PPARGC1A: variants seen among roughly 807,000 people sequenced by gnomAD.
The protein encoded by PPARGC1A is peroxisome proliferator-activated receptor gamma coactivator 1-alpha.
Under a neutral mutation model 88.7 loss-of-function variants are expected in PPARGC1A, and 25 were observed. The observed-to-expected ratio is 0.28, with a 90% confidence interval of 0.21 to 0.39. PPARGC1A has a LOEUF of 0.39. Among genes scored for constraint, PPARGC1A ranks in the 10% least tolerant of loss-of-function variants. The pLI is 1.00. For missense variants in PPARGC1A, 880 were observed against 968.7 expected (o/e 0.91, Z 1.22); for synonymous variants, 363 against 355.6 (o/e 1.02, Z -0.24).
the PPARGC1A span, among the ~76,000 whole-genome samples, chr4:24,200,991 T>TA: frequency 9.2e-5 from 14 of 152,050 alleles, 1 homozygote; most frequent in South Asian, 6.2e-4. Flanking sequence ...GTGTCCATTA[T>TA]AAAAAAAGGT....
chr4:23,842,028 C>T (rs998388968), intron 2 of PPARGC1A, among the ~76,000 whole-genome samples: 1 of 152,096 alleles, frequency 6.6e-6, no homozygotes, highest in African/African-American at 2.4e-5. Flanking sequence ...TTCTCACTCC[C>T]TTTCTTTATA....
intron 2 of PPARGC1A, among the ~76,000 whole-genome samples, chr4:23,854,351 A>C (rs7437482): frequency 0.36 from 55,040 of 152,058 alleles, 10,275 homozygotes; most frequent in African/African-American, 0.39. Flanking sequence ...CAATTTCAGA[A>C]AAGGCCTCTC....
chr4:23,929,711 G>A, the PPARGC1A span, among the ~76,000 whole-genome samples: 143 of 152,322 alleles, frequency 9.4e-4, 2 homozygotes, highest in Middle Eastern at 3.4e-3. Context: ...CCCCAAGATT[G>A]AAATCATCCT....
the PPARGC1A span, chr4:24,091,760 C>T: frequency 2.4e-6 from 1 of 422,038 alleles, no homozygotes; most frequent in Non-Finnish European, 3.2e-6. Flanking sequence ...AAGGCCAGCT[C>T]AGCCATCAAG....
At chr4:23,868,617 C>T (rs1451025175) in intron 2 of PPARGC1A, among the ~76,000 whole-genome samples, 1 of 152,196 alleles carries the variant, frequency 6.6e-6, no homozygotes, top group African/African-American at 2.4e-5. Context: ...ACTTAGAAAG[C>T]TGAACCACAA....
chr4:24,468,234 T>C, the PPARGC1A span, among the ~76,000 whole-genome samples: 1 of 152,118 alleles, frequency 6.6e-6, no homozygotes, highest in African/African-American at 2.4e-5. Flanking sequence ...GAATCACAGG[T>C]TGAAAAGCAC....
chr4:24,121,042 A>G, the PPARGC1A span, among the ~76,000 whole-genome samples: 1 of 152,198 alleles, frequency 6.6e-6, no homozygotes, highest in African/African-American at 2.4e-5. Context: ...CATTCCTGTA[A>G]GCTACTTAAC....
the PPARGC1A span, among the ~76,000 whole-genome samples, chr4:24,122,229 C>T: frequency 6.6e-6 from 1 of 151,952 alleles, no homozygotes; most frequent in Non-Finnish European, 1.5e-5. Context: ...CAGGAAGCAG[C>T]AAGAAAGAAC....
chr4:24,458,538 A>G, the PPARGC1A span, among the ~76,000 whole-genome samples: 2 of 152,166 alleles, frequency 1.3e-5, no homozygotes, highest in Non-Finnish European at 1.5e-5. Context: ...CTGTAATATG[A>G]GGATTTATTT....
At chr4:23,812,635 C>T in intron 10 of PPARGC1A, 112 bp downstream of exon 10, 1 of 1,512,208 alleles carries the variant, frequency 6.6e-7, no homozygotes, top group Non-Finnish European at 8.9e-7. Flanking sequence ...TGAAAATGGC[C>T]TGTTCTAACA....
chr4:23,947,400 A>ACGGTGATGGAG, the PPARGC1A span, among the ~76,000 whole-genome samples: 1 of 22,058 alleles, frequency 4.5e-5, no homozygotes, highest in African/African-American at 1.7e-4. Flanking sequence ...TATATATAAA[A>ACGGTGATGGAG]AAAACGGTGA....
chr4:24,206,550 CA>C, the PPARGC1A span, among the ~76,000 whole-genome samples: 3 of 152,022 alleles, frequency 2.0e-5, no homozygotes, highest in Admixed American at 1.3e-4. Context: ...CATTGGAGGC[CA>C]GGGGGCATGG....
chr4:24,103,606 A>AT, the PPARGC1A span, among the ~76,000 whole-genome samples: 1 of 151,740 alleles, frequency 6.6e-6, no homozygotes, highest in Admixed American at 6.6e-5. Flanking sequence ...AAAAAAAAAA[A>AT]AAAAAGCCTC....
chr4:23,989,173 T>A, the PPARGC1A span, among the ~76,000 whole-genome samples: 2 of 151,848 alleles, frequency 1.3e-5, no homozygotes, highest in Non-Finnish European at 2.9e-5. Context: ...ATCTAATACC[T>A]TCTAAACTTT....
At chr4:24,313,242 G>C in the PPARGC1A span, among the ~76,000 whole-genome samples, 1 of 152,170 alleles carries the variant, frequency 6.6e-6, no homozygotes, top group Non-Finnish European at 1.5e-5. Context: ...TAATGTATTT[G>C]CATCAGTTTT....
At chr4:23,874,928 GA>G (rs1714386068) in intron 2 of PPARGC1A, among the ~76,000 whole-genome samples, 1 of 152,218 alleles carries the variant, frequency 6.6e-6, no homozygotes, top group Non-Finnish European at 1.5e-5. Flanking sequence ...AATGTGGGAT[GA>G]AATGAAGGAA....
chr4:24,294,978 G>T, the PPARGC1A span, among the ~76,000 whole-genome samples: 1 of 152,144 alleles, frequency 6.6e-6, no homozygotes, highest in Non-Finnish European at 1.5e-5. Flanking sequence ...GCCCATGGGG[G>T]GACTAGTAGG....
intron 10 of PPARGC1A, among the ~76,000 whole-genome samples, chr4:23,810,371 C>T (rs920073156): frequency 2.6e-5 from 4 of 152,138 alleles, no homozygotes; most frequent in Non-Finnish European, 4.4e-5. Context: ...ATACAGATTA[C>T]TTTCATCTAA....
the PPARGC1A span, among the ~76,000 whole-genome samples, chr4:23,929,826 G>A: frequency 6.6e-6 from 1 of 152,132 alleles, no homozygotes; most frequent in African/African-American, 2.4e-5. Flanking sequence ...AATAATACCT[G>A]CCACCTTTTA....
Sources: gnomAD v4.1 joint callset for allele counts (sites outside exome capture counted in the v4.1 genomes callset) on GRCh38, gnomAD v4.1.1 for gene constraint, MANE v1.5 for transcripts, NCBI Gene and HGNC (gene_info 2026-07-23, HGNC 2026-07-21) for gene names.